Variants in B3GNT2 observed in about 807,000 individuals in gnomAD.
B3GNT2 encodes UDP-GlcNAc:betaGal beta-1,3-N-acetylglucosaminyltransferase 2.
Under a neutral mutation model 27.6 loss-of-function variants are expected in B3GNT2, and 12 were observed. The ratio of observed to expected loss-of-function variants is 0.44; its 90% CI spans 0.28 to 0.71. The LOEUF is 0.71. B3GNT2 is among the 30% of genes least tolerant of loss of function. The pLI is 0.17. For missense variants in B3GNT2, 413 were observed against 488.5 expected (o/e 0.85, Z 1.46); for synonymous variants, 192 against 189.7 (o/e 1.01, Z -0.10).
At chr2:62,196,543 A>G (rs1674146622) in intron 1 of B3GNT2, among the ~76,000 whole-genome samples, 188 bp downstream of exon 1, 1 of 152,132 alleles carries the variant, frequency 6.6e-6, no homozygotes, top group Non-Finnish European at 1.5e-5. Flanking sequence ...AGCCGTCCCT[A>G]GGTGGCTCCT....
intron 1 of B3GNT2, among the ~76,000 whole-genome samples, chr2:62,220,039 A>T (rs1674657567): frequency 1.3e-5 from 2 of 152,274 alleles, no homozygotes. Context: ...CTCTGGCCAC[A>T]TGACTTCTGA....
At chr2:62,217,516 C>T (rs1204160357) in intron 1 of B3GNT2, among the ~76,000 whole-genome samples, 1 of 152,184 alleles carries the variant, frequency 6.6e-6, no homozygotes, top group Non-Finnish European at 1.5e-5. Flanking sequence ...GCCCTTAGGA[C>T]GTGGCACAGG....
At chr2:62,210,756 A>G (rs1674467056) in intron 1 of B3GNT2, among the ~76,000 whole-genome samples, 1 of 149,878 alleles carries the variant, frequency 6.7e-6, no homozygotes, top group South Asian at 2.1e-4. Flanking sequence ...ATGACAGAGC[A>G]AGACTCCATC....
chr2:62,210,181 T>A (rs1343242682), intron 1 of B3GNT2, among the ~76,000 whole-genome samples: 1 of 152,216 alleles, frequency 6.6e-6, no homozygotes, highest in East Asian at 1.9e-4. Flanking sequence ...ACTACAACTT[T>A]ATTTGGGGAT....
At chr2:62,206,398 C>T (rs943190729) in intron 1 of B3GNT2, among the ~76,000 whole-genome samples, 3 of 152,144 alleles carry the variant, frequency 2.0e-5, no homozygotes, top group Non-Finnish European at 4.4e-5. Context: ...TATCCAATTG[C>T]GCCCATGGCA....
intron 1 of B3GNT2, among the ~76,000 whole-genome samples, chr2:62,210,244 G>A (rs1674455660): frequency 6.6e-6 from 1 of 152,172 alleles, no homozygotes; most frequent in African/African-American, 2.4e-5. Flanking sequence ...TAAGAGCTTA[G>A]ACCCAAGGTT....
At chr2:62,214,744 C>T (rs772066591) in intron 1 of B3GNT2, among the ~76,000 whole-genome samples, 10 of 152,122 alleles carry the variant, frequency 6.6e-5, no homozygotes, top group South Asian at 2.1e-4. Flanking sequence ...TTAGAGAGGT[C>T]GGGTAACTTG....
chr2:62,198,763 A>T (rs535088226), intron 1 of B3GNT2, among the ~76,000 whole-genome samples: 1 of 152,280 alleles, frequency 6.6e-6, no homozygotes, highest in Admixed American at 6.5e-5. Context: ...CTGATAATTC[A>T]TAGTTGATTT....
chr2:62,207,850 G>A (rs1674406148), intron 1 of B3GNT2, among the ~76,000 whole-genome samples: 1 of 152,134 alleles, frequency 6.6e-6, no homozygotes, highest in African/African-American at 2.4e-5. Flanking sequence ...TGGGGTTTGG[G>A]GACCCCTGCC....
chr2:62,213,718 A>G, intron 1 of B3GNT2, among the ~76,000 whole-genome samples: 1 of 152,156 alleles, frequency 6.6e-6, no homozygotes, highest in South Asian at 2.1e-4. Context: ...CTAGCAAGTT[A>G]TTTAAATTTT....
intron 1 of B3GNT2, chr2:62,215,644 A>G (rs1162341444): frequency 6.6e-6 from 1 of 152,330 alleles, no homozygotes; most frequent in Admixed American, 6.5e-5. Flanking sequence ...CACTCTTGCC[A>G]GACTCCCGGA....
intron 1 of B3GNT2, among the ~76,000 whole-genome samples, chr2:62,211,077 T>C (rs553691124): frequency 3.3e-4 from 50 of 152,050 alleles, no homozygotes; most frequent in African/African-American, 1.2e-3. Context: ...ATAAAGCAGT[T>C]GGGTGGGGTG....
chr2:62,211,783 A>G (rs1674486632), intron 1 of B3GNT2, among the ~76,000 whole-genome samples: 2 of 151,706 alleles, frequency 1.3e-5, no homozygotes, highest in South Asian at 4.2e-4. Flanking sequence ...CTGCCTGCAG[A>G]CGCTCTGTGC....
chr2:62,211,682 C>G (rs1312472122), intron 1 of B3GNT2, among the ~76,000 whole-genome samples: 1 of 152,204 alleles, frequency 6.6e-6, no homozygotes, highest in Admixed American at 6.5e-5. Context: ...CACATACTTT[C>G]TTCCTAGCAG....
chr2:62,217,032 A>G (rs1231386005), intron 1 of B3GNT2, among the ~76,000 whole-genome samples: 1 of 152,126 alleles, frequency 6.6e-6, no homozygotes, highest in African/African-American at 2.4e-5. Context: ...GGGAGAGATG[A>G]GTGGGGGCTG....
In B3GNT2 at chr2:62,211,571, A is replaced by G. The variant is rs560173193; in HGVS notation, c.-9-10641A>G. 1.1e-4 allele frequency among the ~76,000 whole-genome samples: 16 copies of G among 152,260 alleles called. No homozygotes were observed. The South Asian group carries it at 3.3e-3, about 32-fold the overall frequency. Reference sequence around the variant, plus strand: ...GTTTTTTCCCTTATTTCATGTTCCTATGTGATGTGGTCAGTTTTCTGTTTT... The same window carrying G: ...GTTTTTTCCCTTATTTCATGTTCCTGTGTGATGTGGTCAGTTTTCTGTTTT... On this transcript the variant is annotated intron_variant, in intron 1 of 1. Coordinates refer to ENST00000301998, the MANE Select transcript of B3GNT2 (RefSeq NM_006577.6).
chr2:62,213,484 A>G (rs1038166980), intron 1 of B3GNT2, among the ~76,000 whole-genome samples: 2 of 152,050 alleles, frequency 1.3e-5, no homozygotes, highest in Middle Eastern at 3.2e-3. Context: ...TGCAGGAGGG[A>G]TAATGGGTCT....
chr2:62,222,794 C>G lies in B3GNT2; in HGVS notation c.574C>G (p.Pro192Ala). ...CCAGACACCCCCAGAGGACAACCACCCCGACCTTTCAGATATGCTGAAATT... is the reference window on the plus strand; with the variant it reads ...CCAGACACCCCCAGAGGACAACCACGCCGACCTTTCAGATATGCTGAAATT... ...LGQTPPEDNH[P>A]DLSDMLKFES... The change falls in exon 2 of 2, where the codon CCC (proline) becomes GCC (alanine). Residue 192 changes from proline to alanine, a missense_variant. Coordinates refer to ENST00000301998, the MANE Select transcript of B3GNT2 (RefSeq NM_006577.6). The surrounding 1 kb of genome is among the most constrained non-coding windows in gnomAD (Gnocchi z 4.2). The G allele has an allele frequency of 6.2e-7, 1 of 1,614,162 alleles. No individual in the cohort carries two copies. Among genetic ancestry groups the G allele is most frequent in the Non-Finnish European group, 8.5e-7 (1 of 1,180,036 alleles).
Position 62,223,546 on chromosome 2 carries a change from C to T in B3GNT2, c.*132C>T, listed in dbSNP as rs1674765484. ...ATGAGTGATACCCATTTGAGGGCCT[C>T]TAAACCCTTCAATTTGGTACTCACG... On this transcript the variant is annotated 3_prime_UTR_variant, in exon 2 of 2. Transcript: ENST00000301998. 16 of 754,080 alleles carry T rather than the reference C, an allele frequency of 2.1e-5. No individual in the cohort carries two copies. Among genetic ancestry groups the T allele is most frequent in the Non-Finnish European group, 3.2e-5 (15 of 467,608 alleles). 46.7% of individuals were successfully genotyped at this position (754,080 alleles called of 1,614,324 possible).
Sources: gnomAD v4.1 joint callset for allele counts (sites outside exome capture counted in the v4.1 genomes callset) on GRCh38, gnomAD v4.1.1 for gene constraint, Gnocchi (gnomAD v3.1) non-coding constraint, MANE v1.5 for transcripts, NCBI Gene and HGNC (gene_info 2026-07-23, HGNC 2026-07-21) for gene names.